CLASP2: variants seen among roughly 807,000 people sequenced by gnomAD.
CLASP2 encodes cytoplasmic linker associated protein 2.
CLASP2 carries 47 observed loss-of-function variants against 194.4 expected under a neutral mutation model. The observed-to-expected ratio is 0.24, with a 90% CI of 0.19 to 0.31. The LOEUF is 0.31. CLASP2 is among the 10% of genes least tolerant of loss of function. The pLI is 1.00. For missense variants in CLASP2, 1,445 were observed against 1,823.6 expected (o/e 0.79, Z 3.78); for synonymous variants, 619 against 633.5 (o/e 0.98, Z 0.34).
At chr3:33,598,130 C>T (rs147452905) in intron 18 of CLASP2, among the ~76,000 whole-genome samples, 19 of 151,748 alleles carry the variant, frequency 1.3e-4, no homozygotes, top group Admixed American at 3.3e-4. Context: ...TGAAAGCCTG[C>T]GTCTAGACTC....
chr3:33,639,987 C>T (rs1362505062), intron 8 of CLASP2, among the ~76,000 whole-genome samples: 1 of 152,188 alleles, frequency 6.6e-6, no homozygotes, highest in Non-Finnish European at 1.5e-5. Context: ...ATTCAATGCT[C>T]TGAGGCTCAA....
chr3:33,705,091 G>C (rs2092608824), intron 1 of CLASP2, among the ~76,000 whole-genome samples: 1 of 152,120 alleles, frequency 6.6e-6, no homozygotes, highest in Admixed American at 6.5e-5. Context: ...ATACATACTT[G>C]TACGTCAATG....
chr3:33,607,243 G>A, intron 15 of CLASP2, 141 bp downstream of exon 15: 1 of 572,332 alleles, frequency 1.7e-6, no homozygotes, highest in East Asian at 2.9e-5. Flanking sequence ...TAATACAGAT[G>A]TAATGGAGAA....
chr3:33,525,551 A>G (rs1023535983), intron 34 of CLASP2, among the ~76,000 whole-genome samples: 1 of 152,068 alleles, frequency 6.6e-6, no homozygotes, highest in Non-Finnish European at 1.5e-5. Flanking sequence ...CGGTGAGTGA[A>G]TATGTGACTC....
chr3:33,587,525 A>T (rs1456698679), intron 21 of CLASP2, among the ~76,000 whole-genome samples: 1 of 152,188 alleles, frequency 6.6e-6, no homozygotes, highest in African/African-American at 2.4e-5. Context: ...AATGAAACTT[A>T]TTTCCTATTA....
Position 33,560,839 on chromosome 3 carries a change from C to A in CLASP2, c.2899G>T (p.Ala967Ser). Reference protein sequence around the residue: ...MGADLLGSVQAKVQKALDVTR... With the variant: ...MGADLLGSVQSKVQKALDVTR... ...ACATCAAGGGCTTTCTGAACTTTTG[C>A]CTGAACAGATCCAAGCAAATCAGCA... The change falls in exon 28 of 39, where the codon GCA becomes TCA. Residue 967 changes from alanine (A) to serine (S), a missense_variant. Physicochemically the swap from Ala to Ser is moderately conservative, Grantham distance 99. This residue lies in a region of CLASP2 where 732 missense variants were observed against 987.9 expected (regional missense o/e 0.74). Transcript: ENST00000682230. The A allele has an allele frequency of 6.2e-7, 1 of 1,613,786 alleles. No homozygotes were observed. The highest frequency in any genetic ancestry group is 8.5e-7 in the Non-Finnish European group (1 of 1,179,822).
At chr3:33,581,788 A>C in intron 23 of CLASP2, 33 bp downstream of exon 23, 2 of 1,432,284 alleles carry the variant, frequency 1.4e-6, no homozygotes, top group Non-Finnish European at 2.0e-6. Flanking sequence ...ACCATGGATA[A>C]GCAATGCACA....
chr3:33,608,738 AG>A (rs1197130301), intron 13 of CLASP2, 112 bp from the exon 14 acceptor site: 3 of 306,530 alleles, frequency 9.8e-6, no homozygotes, highest in African/African-American at 7.1e-5. Context: ...ACATGTTTTT[AG>A]ATATCTTTTT....
At chr3:33,658,893 TATTTCTTACACAGCA>T in intron 7 of CLASP2, 1 of 1,273,466 alleles carries the variant, frequency 7.9e-7, no homozygotes, top group South Asian at 1.3e-5. Flanking sequence ...GGGAGAAATA[TATTTCTTACACAGCA>T]AATGATCGTC....
intron 7 of CLASP2, among the ~76,000 whole-genome samples, chr3:33,656,709 TTATA>T (rs2084281343): frequency 6.6e-6 from 1 of 152,110 alleles, no homozygotes; most frequent in Non-Finnish European, 1.5e-5. Context: ...TTTAGAAAAA[TTATA>T]TATAGTAAAC....
At chr3:33,634,054 C>T (rs146179482) in intron 8 of CLASP2, among the ~76,000 whole-genome samples, 8 of 152,188 alleles carry the variant, frequency 5.3e-5, no homozygotes, top group East Asian at 3.9e-4. Context: ...TAGAACTTGG[C>T]GGTGTAACTG....
intron 6 of CLASP2, among the ~76,000 whole-genome samples, chr3:33,663,817 A>T (rs551112760): frequency 1.3e-5 from 2 of 152,296 alleles, no homozygotes; most frequent in East Asian, 1.9e-4. Flanking sequence ...TCCATCAAAA[A>T]TATCCTAGTT....
At chr3:33,675,407 C>A (rs201769549) in intron 6 of CLASP2, among the ~76,000 whole-genome samples, 12,146 of 151,516 alleles carry the variant, frequency 0.08, 523 homozygotes, top group Admixed American at 0.1. Flanking sequence ...TAAAAACTCT[C>A]AATAAATTAG....
At position 33,632,264 on chromosome 3, in the gene CLASP2, TCACGGGGAGTGC is replaced by T. The variant is rs768813162; in HGVS notation, c.942+16_942+27del. 1 of 1,459,710 alleles carries T rather than the reference TCACGGGGAGTGC, an allele frequency of 6.9e-7. No homozygotes were observed. The highest frequency in any genetic ancestry group is 2.1e-5 in the Admixed American group (1 of 48,722). 90.4% of individuals were successfully genotyped at this position (1,459,710 alleles called of 1,614,324 possible). ...ATATGAACAGGCACACAGGCAATAT[TCACGGGGAGTGC>T]CACTGGTAGCCTTACCTGAATAGAA... On this transcript the variant is annotated intron_variant, in intron 9 of 38. Coordinates refer to ENST00000682230, the MANE Select transcript of CLASP2 (RefSeq NM_001365631.1).
At chr3:33,595,738 C>T (rs543274395) in intron 19 of CLASP2, among the ~76,000 whole-genome samples, 6 of 151,854 alleles carry the variant, frequency 4.0e-5, no homozygotes, top group African/African-American at 1.2e-4. Flanking sequence ...GATAAAAGTT[C>T]GTTTTTAAAG....
At chr3:33,668,102 C>T (rs979066922) in intron 6 of CLASP2, among the ~76,000 whole-genome samples, 7 of 152,032 alleles carry the variant, frequency 4.6e-5, no homozygotes, top group Admixed American at 3.9e-4. Flanking sequence ...GCCTGTAATC[C>T]CAGCTACTTG....
intron 26 of CLASP2, among the ~76,000 whole-genome samples, chr3:33,567,462 T>C (rs1175465973): frequency 6.6e-6 from 1 of 152,188 alleles, no homozygotes; most frequent in Non-Finnish European, 1.5e-5. Context: ...ATTCAAAGCA[T>C]GCACCACAGT....
At chr3:33,693,404 C>T (rs1234149251) in intron 2 of CLASP2, among the ~76,000 whole-genome samples, 1 of 152,078 alleles carries the variant, frequency 6.6e-6, no homozygotes. Context: ...TATCAAAAAA[C>T]CTTCCAGACA....
chr3:33,570,972 T>C (rs1004401044), intron 25 of CLASP2, among the ~76,000 whole-genome samples, 182 bp from the exon 26 acceptor site: 1 of 150,610 alleles, frequency 6.6e-6, no homozygotes, highest in Non-Finnish European at 1.5e-5. Flanking sequence ...GCCCAGGAGT[T>C]CAAGATCAGC....
Sources: gnomAD v4.1 joint callset for allele counts (sites outside exome capture counted in the v4.1 genomes callset) on GRCh38, gnomAD v4.1.1 for gene constraint, gnomAD v4.1.1 regional missense constraint, MANE v1.5 for transcripts, NCBI Gene and HGNC (gene_info 2026-07-23, HGNC 2026-07-21) for gene names.